The following PMS2 variants were observed in gnomAD, a reference collection of about 807,000 sequenced individuals.
The protein encoded by PMS2 is mismatch repair endonuclease PMS2.
In PMS2, 69 loss-of-function variants were observed where a neutral mutation model predicts 90.0. The observed-to-expected ratio is 0.77, with a 90% CI of 0.63 to 0.94. The LOEUF (loss-of-function observed/expected upper bound fraction) is 0.94. Among genes scored for constraint, PMS2 ranks in the 40% least tolerant of loss-of-function variants. The pLI is 0.00. For synonymous variants in PMS2, 332 were observed against 375.1 expected (o/e 0.89, Z 1.33); for missense variants, 966 against 1,040.2 (o/e 0.93, Z 0.98).
chr7:5,990,593 T>C (rs1028170574), intron 9 of PMS2, among the ~76,000 whole-genome samples: 1 of 152,200 alleles, frequency 6.6e-6, no homozygotes, highest in African/African-American at 2.4e-5. Flanking sequence ...TTAACAATTA[T>C]AATACCTAGT....
intron 9 of PMS2, among the ~76,000 whole-genome samples, chr7:5,990,619 G>A (rs1171965777): frequency 6.6e-6 from 1 of 152,176 alleles, no homozygotes; most frequent in Non-Finnish European, 1.5e-5. Flanking sequence ...ATAGGTAGGT[G>A]TGTAAATTGG....
chr7:5,989,420 C>T (rs962771298), intron 10 of PMS2, among the ~76,000 whole-genome samples: 8 of 150,972 alleles, frequency 5.3e-5, no homozygotes, highest in Non-Finnish European at 1.0e-4. Context: ...GTGACAAGAG[C>T]GAAACTCCAT....
chr7:5,979,223 AC>A (rs1444898466), intron 12 of PMS2, among the ~76,000 whole-genome samples: 17 of 113,330 alleles, frequency 1.5e-4, no homozygotes, highest in African/African-American at 6.2e-4. Context: ...AAAAAAAAAA[AC>A]ACCCATAAAA....
Position 5,987,310 on chromosome 7 carries a change from C to G in PMS2, c.1455G>C (p.Thr485=), listed in dbSNP as rs752665758. 6.2e-7 allele frequency: 1 copy of G among 1,614,134 alleles called. No homozygotes were observed. The highest frequency in any genetic ancestry group is 1.7e-5 in the Admixed American group (1 of 60,016). Reference sequence around the variant, plus strand: ...AGTCCTTCTCCACCTCCGCTCTGTCCGTAGGGTCACTGGGTCCGTGACTGG... The same window carrying G: ...AGTCCTTCTCCACCTCCGCTCTGTCGGTAGGGTCACTGGGTCCGTGACTGG... ...VSSSHGPSDP[T]DRAEVEKDSG... The change falls in exon 11 of 15, where the codon ACG becomes ACC. Residue 485 remains threonine, a synonymous_variant. Coordinates refer to ENST00000265849, the MANE Select transcript of PMS2 (RefSeq NM_000535.7).
In PMS2 at chr7:5,983,141, C is replaced by G; in HGVS notation, c.2007-150G>C. 4.8e-6 allele frequency: 6 copies of G among 1,252,680 alleles called. No individual in the cohort carries two copies. The South Asian group carries it at 7.4e-5, about 15-fold the overall frequency. The allele number at this position is 1,252,680 out of a possible 1,614,324, so 77.6% of individuals were successfully genotyped here. On this transcript the variant is annotated intron_variant, in intron 11 of 14. Coordinates refer to ENST00000265849, the MANE Select transcript of PMS2 (RefSeq NM_000535.7). ...GCTTTCTTTTTTTTTGAAACAGAGTCTCGTTCTGTCACCCAGGCTACAGTG... is the reference window on the plus strand; with the variant it reads ...GCTTTCTTTTTTTTTGAAACAGAGTGTCGTTCTGTCACCCAGGCTACAGTG...
rs576317272 is a variant in PMS2 at position 5,989,784 on chromosome 7, A to G, written c.1144+16T>C. 1 of 1,603,006 alleles carries G rather than the reference A, an allele frequency of 6.2e-7. No individual in the cohort carries two copies. Among genetic ancestry groups the G allele is most frequent in the Non-Finnish European group, 8.5e-7 (1 of 1,170,650 alleles). Reference sequence around the variant, plus strand: ...TAAAAGCTTTAGAAGCTGTTTGTACACTGTATTTTTCTTACCTTCAACATC... The same window carrying G: ...TAAAAGCTTTAGAAGCTGTTTGTACGCTGTATTTTTCTTACCTTCAACATC... On this transcript the variant is annotated intron_variant, in intron 10 of 14. Transcript: ENST00000265849.
At chr7:6,008,717 T>C (rs1339470573) in intron 1 of PMS2, among the ~76,000 whole-genome samples, 2 of 151,448 alleles carry the variant, frequency 1.3e-5, no homozygotes, top group Non-Finnish European at 1.5e-5. Context: ...TGTGATGGGA[T>C]GTGGGCAAGG....
At chr7:5,990,804 A>T (rs1050911866) in intron 9 of PMS2, among the ~76,000 whole-genome samples, 1 of 152,164 alleles carries the variant, frequency 6.6e-6, no homozygotes, top group Non-Finnish European at 1.5e-5. Context: ...AGTTAAGGTC[A>T]GGAGTTCAAG....
rs1190563955 is a variant in PMS2, at chr7:5,990,297, C to G, written c.989-342G>C. Among the ~76,000 whole-genome samples, 3 of 152,304 alleles carry G rather than the reference C, an allele frequency of 2.0e-5. No homozygotes were observed. In the South Asian group the frequency reaches 6.2e-4, roughly 32 times the overall value. Reference sequence around the variant, plus strand: ...TTCTGGGATTACAGGCGTGAGCCACCGCGCCCAGCCAAATTCACTTTTAAC... The same window carrying G: ...TTCTGGGATTACAGGCGTGAGCCACGGCGCCCAGCCAAATTCACTTTTAAC... On this transcript the variant is annotated intron_variant, in intron 9 of 14. Transcript: ENST00000265849.
At chr7:6,006,552 C>T (rs1375268596) in intron 1 of PMS2, among the ~76,000 whole-genome samples, 1 of 151,972 alleles carries the variant, frequency 6.6e-6, no homozygotes, top group Non-Finnish European at 1.5e-5. Flanking sequence ...ACTCAGGAGG[C>T]TGAGGCAGGA....
At chr7:6,003,658 G>A (rs2128825406) in intron 4 of PMS2, 32 bp downstream of exon 4, 1 of 1,102,270 alleles carries the variant, frequency 9.1e-7, no homozygotes, top group Non-Finnish European at 1.4e-6. Context: ...TTCTCTAAGG[G>A]GTCAAGTGAG....
intron 11 of PMS2, 112 bp from the exon 12 acceptor site, chr7:5,983,103 C>T: frequency 7.0e-7 from 1 of 1,437,188 alleles, no homozygotes; most frequent in Non-Finnish European, 9.5e-7. Context: ...AAAATAAAGT[C>T]CCTAGCCATC....
chr7:5,997,596 G>A (rs1359829047), intron 6 of PMS2, among the ~76,000 whole-genome samples, 173 bp from the exon 7 acceptor site: 3 of 152,132 alleles, frequency 2.0e-5, no homozygotes, highest in African/African-American at 7.2e-5. Context: ...CCAGGCTGGA[G>A]TACAATGGCT....
intron 9 of PMS2, 74 bp downstream of exon 9, chr7:5,991,890 CCAGTCATAG>C: frequency 1.3e-6 from 1 of 787,998 alleles, no homozygotes; most frequent in Non-Finnish European, 2.3e-6. Flanking sequence ...TTATCTCATT[CCAGTCATAG>C]CAGAGCTGTA....
At chr7:5,996,291 T>C (rs1784379740) in intron 7 of PMS2, among the ~76,000 whole-genome samples, 1 of 151,740 alleles carries the variant, frequency 6.6e-6, no homozygotes, top group Admixed American at 6.6e-5. Context: ...TGGTGGCTCA[T>C]GCCTGTAATT....
Position 5,999,228 on chromosome 7 carries a change from T to C in PMS2, c.585A>G (p.Ser195=). ...VQVLHAYCII[S]AGIRVSCTNQ... is the part of the protein sequence containing the mutation. ...TGGTGCAACTTACACGGATGCCTGC[T>C]GAAATGATACAGTATGCATGTAAGA... The change falls in exon 6 of 15, where the codon TCA becomes TCG. Residue 195 remains serine (S), a synonymous_variant. Coordinates refer to ENST00000265849, the MANE Select transcript of PMS2 (RefSeq NM_000535.7). 4 of 1,614,110 alleles carry C rather than the reference T, an allele frequency of 2.5e-6. No individual in the cohort carries two copies. The highest frequency in any genetic ancestry group is 3.4e-6 in the Non-Finnish European group (4 of 1,179,998).
At chr7:5,982,680 C>T (rs1782418812) in intron 12 of PMS2, 144 bp downstream of exon 12, 1 of 1,272,818 alleles carries the variant, frequency 7.9e-7, no homozygotes. Context: ...TCCTAGATCT[C>T]TTCTTTTTTA....
chr7:5,997,764 G>A (rs925522434), intron 6 of PMS2, among the ~76,000 whole-genome samples: 2 of 152,016 alleles, frequency 1.3e-5, no homozygotes, highest in African/African-American at 4.8e-5. Flanking sequence ...TATCCAAGCT[G>A]GTCTTAAATT....
At position 6,007,831 on chromosome 7, in the gene PMS2, A is replaced by G. The variant is rs1283498991; in HGVS notation, c.23+1166T>C. On this transcript the variant is annotated intron_variant, in intron 1 of 14. Transcript: ENST00000265849. ...TAAAAATAAGTTTATTTGGCAGCAC[A>G]CTATAGGCTACAGGTCCACTTCTGA... is the stretch of plus-strand genomic sequence containing the variant. Among the ~76,000 whole-genome samples, 6 of 150,718 alleles carry G rather than the reference A, an allele frequency of 4.0e-5. No homozygotes were observed. The East Asian group carries it at 1.2e-3, about 29-fold the overall frequency.
Sources: allele counts gnomAD v4.1 joint callset (sites outside exome capture counted in the v4.1 genomes callset), GRCh38; gene constraint gnomAD v4.1.1; transcripts MANE v1.5; gene names NCBI Gene and HGNC (gene_info 2026-07-23, HGNC 2026-07-21).